The following TEX54 variants were observed in gnomAD, a reference collection of about 807,000 sequenced individuals.
TEX54 encodes the protein testis expressed 54, also known as testis-expressed protein 54.
For missense variants in TEX54, 58 were observed against 19.6 expected (o/e 2.96, Z -3.70); for synonymous variants, 17 against 7.0 (o/e 2.42, Z -2.24).
At chr11:62,832,462 G>A in exon 1 of TEX54, 1 of 447,426 alleles carries the variant, frequency 2.2e-6, no homozygotes, top group Non-Finnish European at 3.9e-6. Context: ...TTGCTTGGCC[G>A]CGAGGAGCCC....
chr11:62,832,591 C>A, exon 1 of TEX54: 1 of 435,406 alleles, frequency 2.3e-6, no homozygotes, highest in Non-Finnish European at 4.0e-6. Flanking sequence ...GAGGGGACGA[C>A]GAGGCCTCTG....
chr11:62,832,808 C>T (rs556896851), upstream of TEX54: 15 of 1,067,754 alleles, frequency 1.4e-5, no homozygotes, highest in South Asian at 2.4e-4. Flanking sequence ...CCTCCAGGCC[C>T]GGCTTTTGTG....
At chr11:62,832,385 C>T (rs1008525000) in exon 1 of TEX54, 10 of 475,752 alleles carry the variant, frequency 2.1e-5, no homozygotes, top group African/African-American at 4.0e-5. Context: ...GTCATCCCTT[C>T]TCCGGCTCCT....
chr11:62,832,556 G>A, exon 1 of TEX54: 1 of 439,316 alleles, frequency 2.3e-6, no homozygotes, highest in South Asian at 6.1e-5. Flanking sequence ...GGTCCGGGGA[G>A]TTCAAGTCGA....
exon 1 of TEX54, chr11:62,832,614 C>A (rs769712660): frequency 2.2e-6 from 1 of 447,114 alleles, no homozygotes. Context: ...CTCACCCCTA[C>A]CCTCGGGAAG....
At chr11:62,832,825 G>A, upstream of TEX54, 2 of 1,186,502 alleles carry the variant, frequency 1.7e-6, no homozygotes, top group South Asian at 1.8e-5. Context: ...TGTGACATCA[G>A]ATATCCCGTC....
chr11:62,832,697 C>T (rs2084888540), exon 1 of TEX54: 2 of 496,590 alleles, frequency 4.0e-6, no homozygotes, highest in Non-Finnish European at 7.0e-6. Context: ...CAGACTCTTC[C>T]TCCTTGGACT....
exon 1 of TEX54, chr11:62,832,329 A>C: frequency 1.7e-6 from 1 of 576,324 alleles, no homozygotes; most frequent in Non-Finnish European, 3.1e-6. Flanking sequence ...TATACGTTAG[A>C]AATTTTATTC....
exon 1 of TEX54, chr11:62,832,784 C>CGCCA (rs2084890195): frequency 1.2e-6 from 1 of 834,536 alleles, no homozygotes; most frequent in East Asian, 2.8e-5. Flanking sequence ...GTGCCACCCA[C>CGCCA]GCCAGCCTGC....
chr11:62,832,777 C>T (rs1182723176), exon 1 of TEX54: 10 of 755,446 alleles, frequency 1.3e-5, no homozygotes, highest in Non-Finnish European at 1.8e-5. Context: ...GGACTCCGTG[C>T]CACCCACGCC....
At chr11:62,832,322 A>G (rs2084883471) in exon 1 of TEX54, 1 of 579,982 alleles carries the variant, frequency 1.7e-6, no homozygotes, top group Non-Finnish European at 3.1e-6. Flanking sequence ...GTGCAGGTAT[A>G]CGTTAGAAAT....
upstream of TEX54, chr11:62,832,827 T>C: frequency 1.7e-6 from 2 of 1,194,336 alleles, no homozygotes; most frequent in Non-Finnish European, 2.3e-6. Flanking sequence ...TGACATCAGA[T>C]ATCCCGTCGC....
chr11:62,832,822 T>G (rs1165669038), upstream of TEX54: 3 of 1,162,486 alleles, frequency 2.6e-6, no homozygotes, highest in African/African-American at 4.7e-5. Context: ...TTTTGTGACA[T>G]CAGATATCCC....
exon 1 of TEX54, chr11:62,832,768 G>T: frequency 1.5e-6 from 1 of 678,126 alleles, no homozygotes; most frequent in South Asian, 2.2e-5. Context: ...CGTGGCCCTG[G>T]ACTCCGTGCC....
At chr11:62,832,449 C>T (rs1470143630) in exon 1 of TEX54, 4 of 451,470 alleles carry the variant, frequency 8.9e-6, no homozygotes, top group South Asian at 1.0e-4. Flanking sequence ...GTCTGGTTGC[C>T]TCTTGCTTGG....
chr11:62,832,618 C>T, exon 1 of TEX54: 1 of 446,044 alleles, frequency 2.2e-6, no homozygotes. Flanking sequence ...CCCCTACCCT[C>T]GGGAAGCCCC....
At chr11:62,832,566 A>G (rs745973957) in exon 1 of TEX54, 3 of 434,248 alleles carry the variant, frequency 6.9e-6, no homozygotes, top group Non-Finnish European at 1.2e-5. Flanking sequence ...GTTCAAGTCG[A>G]TATCTTCGGC....
exon 1 of TEX54, chr11:62,832,371 TG>T: frequency 1.9e-6 from 1 of 513,282 alleles, no homozygotes; most frequent in Non-Finnish European, 3.4e-6. Context: ...AGAGCAGGTC[TG>T]GGGTCATCCC....
rs1050734872 is a variant in TEX54 at position 62,832,362 on chromosome 11, G to C, written c.*14C>G. 4 of 568,270 alleles carry C rather than the reference G, an allele frequency of 7.0e-6. No individual in the cohort carries two copies. In the African/African-American group the frequency reaches 7.6e-5, roughly 11 times the overall value. 35.2% of individuals were successfully genotyped at this position (568,270 alleles called of 1,614,324 possible). Reference sequence around the variant, plus strand: ...TTCTCTGGAGGTTGGGGCGGACTGAGAGCAGGTCTGGGGTCATCCCTTCTC... The same window carrying C: ...TTCTCTGGAGGTTGGGGCGGACTGACAGCAGGTCTGGGGTCATCCCTTCTC... On this transcript the variant is annotated 3_prime_UTR_variant, in exon 1 of 1. Coordinates refer to ENST00000636508, the Ensembl canonical transcript of TEX54.
Sources: allele counts gnomAD v4.1 joint callset, GRCh38; gene constraint gnomAD v4.1.1; transcripts MANE v1.5; gene names NCBI Gene and HGNC (gene_info 2026-07-23, HGNC 2026-07-21).